Variants in COL27A1 observed in about 807,000 individuals in gnomAD.
COL27A1 encodes collagen alpha-1(XXVII) chain.
Under a neutral mutation model 251.3 loss-of-function variants are expected in COL27A1, and 106 were observed. The observed-to-expected ratio is 0.42, with a 90% CI of 0.36 to 0.50. COL27A1 has a LOEUF of 0.50. COL27A1 is among the 20% of genes least tolerant of loss of function. The pLI, the probability that COL27A1 is intolerant of heterozygous loss-of-function variation, is 0.00. For synonymous variants in COL27A1, 1,000 were observed against 986.3 expected, an observed-to-expected ratio of 1.01 and a Z score of -0.26; for missense variants, 2,325 against 2,522.8, an observed-to-expected ratio of 0.92 and a Z score of 1.68.
At chr9:114,162,522 G>T (rs1318730561) in intron 1 of COL27A1, among the ~76,000 whole-genome samples, 193 bp from the exon 2 acceptor site, 1 of 152,146 alleles carries the variant, frequency 6.6e-6, no homozygotes, top group Non-Finnish European at 1.5e-5. Context: ...CTCACTGAGA[G>T]GCTGTGCCTG....
intron 7 of COL27A1, among the ~76,000 whole-genome samples, chr9:114,204,188 A>G (rs1325657891): frequency 6.6e-6 from 1 of 152,212 alleles, no homozygotes; most frequent in East Asian, 1.9e-4. Flanking sequence ...TCTGAAGTTC[A>G]GAGAAGGGTA....
At chr9:114,224,245 G>A (rs1012355821) in intron 14 of COL27A1, among the ~76,000 whole-genome samples, 5 of 152,204 alleles carry the variant, frequency 3.3e-5, no homozygotes, top group African/African-American at 1.2e-4. Flanking sequence ...CCCTTCTGGA[G>A]CATCTTGGTC....
intron 59 of COL27A1, among the ~76,000 whole-genome samples, chr9:114,308,669 G>A (rs1302418415): frequency 4.6e-5 from 7 of 152,226 alleles, no homozygotes; most frequent in African/African-American, 1.7e-4. Context: ...TAGCAGAGGG[G>A]TGAGGCTGGA....
At chr9:114,270,847 A>T in intron 36 of COL27A1, 66 bp downstream of exon 36, 2 of 1,196,320 alleles carry the variant, frequency 1.7e-6, no homozygotes, top group Admixed American at 3.7e-5. Context: ...TCCAAGACCT[A>T]AGTCTCCTCC....
At chr9:114,257,970 G>A (rs1367546766) in intron 27 of COL27A1, among the ~76,000 whole-genome samples, 1 of 152,162 alleles carries the variant, frequency 6.6e-6, no homozygotes, top group East Asian at 1.9e-4. Flanking sequence ...GGCTGAGGCA[G>A]GAGGATCACT....
Position 114,240,277 on chromosome 9 carries a change from A to T in COL27A1, c.2781+4A>T, listed in dbSNP as rs1832668077. On this transcript the variant is annotated splice_donor_region_variant and intron_variant, in intron 20 of 60. Coordinates refer to ENST00000356083, the MANE Select transcript of COL27A1 (RefSeq NM_032888.4). ...CAATGGCCCAGAAGGCATGAAGGTG[A>T]GTACCTGCCCAGGGCAGCTCCAGTT... is the stretch of plus-strand genomic sequence containing the variant. 6.3e-7 allele frequency: 1 copy of T among 1,597,548 alleles called. No homozygotes were observed. Among genetic ancestry groups the T allele is most frequent in the African/African-American group, 1.3e-5 (1 of 74,682 alleles).
chr9:114,255,200 C>T (rs1833838508), intron 27 of COL27A1, among the ~76,000 whole-genome samples: 1 of 152,150 alleles, frequency 6.6e-6, no homozygotes, highest in Non-Finnish European at 1.5e-5. Context: ...GGAAGTAGGA[C>T]TGTTGGGGTA....
At chr9:114,254,378 G>T (rs1439348635) in intron 27 of COL27A1, among the ~76,000 whole-genome samples, 7 of 151,538 alleles carry the variant, frequency 4.6e-5, no homozygotes, top group Non-Finnish European at 7.4e-5. Context: ...TGTGCAGGGG[G>T]TGGGGGTGGG....
At chr9:114,188,316 A>G (rs1211513993) in intron 5 of COL27A1, among the ~76,000 whole-genome samples, 1 of 152,214 alleles carries the variant, frequency 6.6e-6, no homozygotes, top group African/African-American at 2.4e-5. Flanking sequence ...TTGTCACCTG[A>G]GAGGTGATTC....
At chr9:114,177,330 T>C (rs546447905) in intron 3 of COL27A1, among the ~76,000 whole-genome samples, 1 of 152,204 alleles carries the variant, frequency 6.6e-6, no homozygotes, top group Non-Finnish European at 1.5e-5. Context: ...ATGCTGAGCT[T>C]CAGGGTTAGG....
intron 2 of COL27A1, among the ~76,000 whole-genome samples, chr9:114,165,257 C>T (rs1385740637): frequency 6.6e-6 from 1 of 152,198 alleles, no homozygotes; most frequent in African/African-American, 2.4e-5. Context: ...CACTCAGGTT[C>T]TCAATTTCCC....
intron 22 of COL27A1, among the ~76,000 whole-genome samples, chr9:114,243,132 C>T (rs1007524957): frequency 3.9e-5 from 6 of 152,192 alleles, no homozygotes; most frequent in African/African-American, 1.4e-4. Context: ...CTGAAAGGGC[C>T]TCCGGGACCC....
chr9:114,304,813 A>G (rs1828914260), intron 57 of COL27A1, 140 bp downstream of exon 57: 2 of 708,630 alleles, frequency 2.8e-6, no homozygotes, highest in Non-Finnish European at 4.8e-6. Flanking sequence ...TCTCGCATCC[A>G]CAAATGGGGG....
chr9:114,257,039 C>G (rs552981100), intron 27 of COL27A1, among the ~76,000 whole-genome samples: 321 of 152,294 alleles, frequency 2.1e-3, no homozygotes, highest in African/African-American at 7.5e-3. Flanking sequence ...GACGAAGGGT[C>G]AGCCTGGGAC....
At chr9:114,250,152 T>C (rs1483129612) in intron 24 of COL27A1, among the ~76,000 whole-genome samples, 2 of 152,220 alleles carry the variant, frequency 1.3e-5, no homozygotes, top group East Asian at 3.8e-4. Context: ...TAAAGAGGCC[T>C]CCGCCTCCCC....
At position 114,206,211 on chromosome 9, in the gene COL27A1, C is replaced by A. The variant is rs537568723; in HGVS notation, c.2224-41C>A. 5 of 1,599,796 alleles carry A rather than the reference C, an allele frequency of 3.1e-6. No individual in the cohort carries two copies. The Admixed American group carries it at 5.0e-5, about 16-fold the overall frequency. On this transcript the variant is annotated intron_variant, in intron 9 of 60. Transcript: ENST00000356083. ...GCCCCAGGATTGGCAGCAGGTAGAG[C>A]GTCTCCATATGTCCTTGCCCCTCTG...
At chr9:114,156,609 T>G (rs1848137990) in intron 1 of COL27A1, among the ~76,000 whole-genome samples, 1 of 152,022 alleles carries the variant, frequency 6.6e-6, no homozygotes, top group Non-Finnish European at 1.5e-5. Flanking sequence ...CCTGTCCCTT[T>G]CACGTGTGTA....
chr9:114,202,266 G>A (rs1392414112), intron 7 of COL27A1, among the ~76,000 whole-genome samples: 1 of 152,234 alleles, frequency 6.6e-6, no homozygotes, highest in Non-Finnish European at 1.5e-5. Flanking sequence ...CAGAGTTCTT[G>A]TGGCTGCAGA....
At chr9:114,274,815 TTTATTATTA>T (rs138296358) in intron 36 of COL27A1, among the ~76,000 whole-genome samples, 8 of 151,658 alleles carry the variant, frequency 5.3e-5, no homozygotes, top group African/African-American at 1.9e-4. Context: ...TTACCTACCA[TTTATTATTA>T]TTATTATTAT....
Sources: gnomAD v4.1 joint callset for allele counts (sites outside exome capture counted in the v4.1 genomes callset) on GRCh38, gnomAD v4.1.1 for gene constraint, MANE v1.5 for transcripts, NCBI Gene and HGNC (gene_info 2026-07-23, HGNC 2026-07-21) for gene names.